The following CENPE variants were observed in gnomAD, a reference collection of about 807,000 sequenced individuals.
The protein encoded by CENPE is centromere protein E.
A neutral mutation model predicts 336.1 loss-of-function variants in CENPE; 145 were observed. The ratio of observed to expected loss-of-function variants is 0.43; its 90% CI spans 0.38 to 0.50. The LOEUF (loss-of-function observed/expected upper bound fraction) is 0.50. Ranked by LOEUF, CENPE falls within the 20% of genes least tolerant of loss-of-function variation. The pLI is 0.00. For synonymous variants in CENPE, 1,013 were observed against 984.8 expected (o/e 1.03, Z -0.54); for missense variants, 2,719 against 3,023.3 (o/e 0.90, Z 2.36).
chr4:103,163,097 T>C lies in CENPE; in HGVS notation c.1842+40A>G, dbSNP rs962580806. 1.9e-6 allele frequency: 3 copies of C among 1,564,982 alleles called. No individual in the cohort carries two copies. In the South Asian group the frequency reaches 3.5e-5, roughly 18 times the overall value. On this transcript the variant is annotated intron_variant, in intron 18 of 48. Coordinates refer to ENST00000265148, the MANE Select transcript of CENPE (RefSeq NM_001813.3). ...TGCTAAGATGATGGTATGCTATATA[T>C]ATTTATGTGATTACACAACAAAATA...
In CENPE at chr4:103,122,901, A is replaced by G; in HGVS notation, c.7113T>C (p.Val2371=). The stretch of plus-strand genomic sequence containing the variant: ...TGGTTAACTGTGTAGCTCTTGATGT[A>G]ACATGAGGATTCTTATTGTCTTGTG... ...PTTQDNKNPH[V]TSRATQLTTE... Residue 2371 remains valine, a synonymous_variant, in exon 43 of 49, where the codon GTT becomes GTC. Coordinates refer to ENST00000265148, the MANE Select transcript of CENPE (RefSeq NM_001813.3). 6.2e-7 allele frequency: 1 copy of G among 1,613,596 alleles called. No individual in the cohort carries two copies. The highest frequency in any genetic ancestry group is 8.5e-7 in the Non-Finnish European group (1 of 1,179,542).
chr4:103,154,085 G>A lies in CENPE; in HGVS notation c.3034-835C>T, dbSNP rs561510102. On this transcript the variant is annotated intron_variant, in intron 24 of 48. Coordinates refer to ENST00000265148, the MANE Select transcript of CENPE (RefSeq NM_001813.3). ...TTACTATTGCTGGTACAAATTTAGG[G>A]TATTATTGTATGACATTACACTAGT... 1.6e-4 allele frequency among the ~76,000 whole-genome samples: 24 copies of A among 152,166 alleles called. No individual in the cohort carries two copies. The South Asian group carries it at 5.0e-3, about 32-fold the overall frequency.
rs142355920 is a variant in CENPE at position 103,160,700 on chromosome 4, T to G, written c.2211A>C (p.Glu737Asp). Residue 737 changes from glutamate to aspartate, a missense_variant, in exon 21 of 49, where the codon GAA becomes GAC. Transcript: ENST00000265148. Reference protein sequence around the residue: ...KELNKEVEENEALREEVILLS... With the variant: ...KELNKEVEENDALREEVILLS... ...GCAAAATGACTTCTTCCCGCAAAGCTTCATTTTCTTCAACTTCTTTATTTA... is the reference window on the plus strand; with the variant it reads ...GCAAAATGACTTCTTCCCGCAAAGCGTCATTTTCTTCAACTTCTTTATTTA... The G allele has an allele frequency of 3.7e-6, 6 of 1,610,442 alleles. No individual in the cohort carries two copies. In the African/African-American group the frequency reaches 8.0e-5, roughly 22 times the overall value.
At chr4:103,122,334 G>C (rs1032437955) in intron 43 of CENPE, among the ~76,000 whole-genome samples, 1 of 152,154 alleles carries the variant, frequency 6.6e-6, no homozygotes, top group African/African-American at 2.4e-5. Context: ...TTAGATTCCC[G>C]AGTAAGGGTA....
At position 103,133,761 on chromosome 4, in the gene CENPE, A is replaced by G. The variant is rs991464268; in HGVS notation, c.6654T>C (p.Asp2218=). 6.2e-7 allele frequency: 1 copy of G among 1,611,916 alleles called. No homozygotes were observed. Among genetic ancestry groups the G allele is most frequent in the African/African-American group, 1.3e-5 (1 of 74,984 alleles). ...LLIKIQHLQQ[D]CDVPSRELRD... ...TTAATTCTCTGGATGGTACATCACA[A>G]TCTTGTTGAAGGTGCTGTATTTTAA... The change falls in exon 41 of 49, where the codon GAT becomes GAC. Residue 2218 remains aspartate, a synonymous_variant. Transcript: ENST00000265148.
intron 18 of CENPE, among the ~76,000 whole-genome samples, chr4:103,162,809 C>T (rs1181332188): frequency 6.6e-6 from 1 of 152,070 alleles, no homozygotes; most frequent in South Asian, 2.1e-4. Flanking sequence ...TCTCCCACTT[C>T]GGCCTCCCAA....
chr4:103,109,380 A>T (rs1253532802), intron 47 of CENPE, among the ~76,000 whole-genome samples: 1 of 152,220 alleles, frequency 6.6e-6, no homozygotes, highest in Non-Finnish European at 1.5e-5. Context: ...AAATGAATCA[A>T]TGATATAATC....
intron 13 of CENPE, 108 bp downstream of exon 13, chr4:103,180,203 G>T (rs1756211316): frequency 7.1e-6 from 7 of 989,092 alleles, no homozygotes; most frequent in Non-Finnish European, 7.0e-6. Flanking sequence ...TGGGTTTCTT[G>T]AATATACTGT....
intron 2 of CENPE, 63 bp downstream of exon 2, chr4:103,196,696 G>T: frequency 1.3e-6 from 1 of 773,522 alleles, no homozygotes; most frequent in Non-Finnish European, 2.2e-6. Flanking sequence ...TTATTGATAA[G>T]CCTTTTGTAC....
rs1754160015 is a variant in CENPE, at chr4:103,158,638, A to G, written c.2850T>C (p.Ser950=). 10 of 1,604,280 alleles carry G rather than the reference A, an allele frequency of 6.2e-6. No homozygotes were observed. The highest frequency in any genetic ancestry group is 2.7e-5 in the African/African-American group (2 of 73,970). ...SLQIERDQLK[S]DIHDTVNMNI... is the part of the protein sequence containing the mutation. ...CCATGTTAACAGTATCGTGAATATC[A>G]CTTTTGAGTTGGTCCCTCTCAATTT... The change falls in exon 23 of 49, where the codon AGT becomes AGC. Residue 950 remains serine (S), a synonymous_variant. Transcript: ENST00000265148.
chr4:103,134,486 T>G (rs1751887897), intron 40 of CENPE, among the ~76,000 whole-genome samples: 1 of 151,772 alleles, frequency 6.6e-6, no homozygotes, highest in Non-Finnish European at 1.5e-5. Flanking sequence ...TACAAAAAAT[T>G]AGCTGGGCGT....
chr4:103,161,552 A>T, intron 18 of CENPE, 95 bp from the exon 19 acceptor site: 1 of 1,087,506 alleles, frequency 9.2e-7, no homozygotes, highest in Non-Finnish European at 1.2e-6. Context: ...ACTCTAGCTA[A>T]TCAAAAAGCG....
rs1159794409 is a variant in CENPE at position 103,132,747 on chromosome 4, C to T, written c.6870G>A (p.Gln2290=). The T allele has an allele frequency of 1.3e-6, 2 of 1,571,062 alleles. No homozygotes were observed. Among genetic ancestry groups the T allele is most frequent in the Non-Finnish European group, 1.7e-6 (2 of 1,147,274 alleles). Residue 2290 remains glutamine (Q), a synonymous_variant, in exon 42 of 49, where the codon CAG becomes CAA. Coordinates refer to ENST00000265148, the MANE Select transcript of CENPE (RefSeq NM_001813.3). ...FDIEKLKNGI[Q]KENDRICQVN... ...CTTGACAAATCCTATCATTTTCTTT[C>T]TGGATGCCATTTTTAAGCTTTTCTA... is the stretch of plus-strand genomic sequence containing the variant.
intron 8 of CENPE, among the ~76,000 whole-genome samples, chr4:103,187,630 C>A (rs1222912134): frequency 2.0e-4 from 29 of 146,948 alleles, no homozygotes; most frequent in Non-Finnish European, 4.0e-4. Flanking sequence ...GCCTGCCTTA[C>A]AAGAGCTCCT....
Position 103,161,376 on chromosome 4 carries a change from C to T in CENPE, c.1924G>A (p.Ala642Thr). The change falls in exon 19 of 49, where the codon GCC (alanine) becomes ACC (threonine). Residue 642 changes from alanine (A) to threonine (T), a missense_variant. Ala to Thr is a moderately conservative substitution (Grantham distance 58, BLOSUM62 0). This residue lies in a region of CENPE where 2,437 missense variants were observed against 2,513.3 expected (regional missense o/e 0.97). Coordinates refer to ENST00000265148, the MANE Select transcript of CENPE (RefSeq NM_001813.3). ...TVALDAKRES[A>T]FLRSENLELK... ...TCCAGATTTTCACTTCTAAGAAAGGCTGATTCTCTCTTGGCATCAAGGGCT... is the reference window on the plus strand; with the variant it reads ...TCCAGATTTTCACTTCTAAGAAAGGTTGATTCTCTCTTGGCATCAAGGGCT... 1 of 1,612,234 alleles carries T rather than the reference C, an allele frequency of 6.2e-7. No homozygotes were observed. Among genetic ancestry groups the T allele is most frequent in the Non-Finnish European group, 8.5e-7 (1 of 1,179,172 alleles).
chr4:103,106,678 T>G (rs1002401315), intron 48 of CENPE, among the ~76,000 whole-genome samples: 1 of 152,192 alleles, frequency 6.6e-6, no homozygotes, highest in African/African-American at 2.4e-5. Flanking sequence ...TTAGAGAATA[T>G]TTAATCATCT....
chr4:103,137,952 C>G (rs1433206221), intron 39 of CENPE, among the ~76,000 whole-genome samples: 1 of 152,188 alleles, frequency 6.6e-6, no homozygotes, highest in African/African-American at 2.4e-5. Flanking sequence ...CTTGCCTCTT[C>G]CCTGCTAACT....
At chr4:103,153,918 G>A (rs934139060) in intron 24 of CENPE, among the ~76,000 whole-genome samples, 1 of 152,144 alleles carries the variant, frequency 6.6e-6, no homozygotes, top group South Asian at 2.1e-4. Context: ...TCATAAGGGT[G>A]AAATTCATCT....
chr4:103,136,371 G>C lies in CENPE; in HGVS notation c.6304-12C>G, dbSNP rs778360631. The C allele has an allele frequency of 1.8e-5, 28 of 1,553,570 alleles. No individual in the cohort carries two copies. The highest frequency in any genetic ancestry group is 5.5e-5 in the African/African-American group (4 of 73,206). On this transcript the variant is annotated splice_polypyrimidine_tract_variant and intron_variant, in intron 39 of 48. Coordinates refer to ENST00000265148, the MANE Select transcript of CENPE (RefSeq NM_001813.3). ...CTCTTCAAAAGCTCCTAAAGGAAAT[G>C]AGAATTCACTCAATTTATAACAATT... is the stretch of plus-strand genomic sequence containing the variant.
Sources: allele counts gnomAD v4.1 joint callset (sites outside exome capture counted in the v4.1 genomes callset), GRCh38; gene constraint gnomAD v4.1.1; regional missense constraint gnomAD v4.1.1; transcripts MANE v1.5; gene names NCBI Gene and HGNC (gene_info 2026-07-23, HGNC 2026-07-21).